The following TNRC6A variants were observed in gnomAD, a reference collection of about 807,000 sequenced individuals.
TNRC6A encodes trinucleotide repeat-containing gene 6A protein.
A neutral mutation model predicts 221.2 loss-of-function variants in TNRC6A; 44 were observed. The ratio of observed to expected loss-of-function variants is 0.20; its 90% CI spans 0.16 to 0.26. The LOEUF is 0.26. Ranked by LOEUF, TNRC6A falls within the 10% of genes least tolerant of loss-of-function variation. The probability of loss-of-function intolerance (pLI) is 1.00; values close to 1 mark genes in which losing one functional copy is unlikely to be tolerated. For missense variants in TNRC6A, 2,199 were observed against 2,404.4 expected (o/e 0.91, Z 1.79); for synonymous variants, 847 against 838.5 (o/e 1.01, Z -0.18).
In TNRC6A at chr16:24,743,532, C is replaced by T. The variant is rs140175560; in HGVS notation, c.54-7194C>T. On this transcript the variant is annotated intron_variant, in intron 2 of 24. Coordinates refer to ENST00000395799, the MANE Select transcript of TNRC6A (RefSeq NM_014494.4). ...TAGAGACAGGGTTTTGCCATGTTGC[C>T]CAGGCTGGTCTCGAACTCCTGGGCC... is the stretch of plus-strand genomic sequence containing the variant. Among the ~76,000 whole-genome samples the T allele has an allele frequency of 9.0e-3, 1,320 of 146,696 alleles. 22 individuals carry two copies. Among genetic ancestry groups the T allele is most frequent in the African/African-American group, 0.031 (1,254 of 40,040 alleles).
intron 2 of TNRC6A, among the ~76,000 whole-genome samples, chr16:24,709,824 C>CA (rs60844823): frequency 0.23 from 23,824 of 103,626 alleles, 2,625 homozygotes; most frequent in South Asian, 0.3. Context: ...GACCCTGTCT[C>CA]AAAAAAAAAA....
rs545815338 is a variant in TNRC6A, at chr16:24,751,067, T to C, written c.141+254T>C. ...TGGATCTTTATCTTTCAAATAGCTG[T>C]TCCTAGGTGTTTCATAATATATCAT... is the stretch of plus-strand genomic sequence containing the variant. On this transcript the variant is annotated intron_variant, in intron 3 of 24. Coordinates refer to ENST00000395799, the MANE Select transcript of TNRC6A (RefSeq NM_014494.4). 5.9e-5 allele frequency among the ~76,000 whole-genome samples: 9 copies of C among 152,340 alleles called. No homozygotes were observed. The East Asian group carries it at 1.7e-3, about 29-fold the overall frequency.
chr16:24,664,553 AT>A (rs950570173), intron 2 of TNRC6A, among the ~76,000 whole-genome samples: 14 of 143,578 alleles, frequency 9.8e-5, no homozygotes, highest in Non-Finnish European at 1.7e-4. Context: ...AATATAATAT[AT>A]TTTTAATAAT....
intron 2 of TNRC6A, among the ~76,000 whole-genome samples, chr16:24,650,158 C>T (rs962242719): frequency 1.2e-4 from 18 of 151,992 alleles, no homozygotes; most frequent in African/African-American, 4.1e-4. Flanking sequence ...TGTCATAGCA[C>T]TAACATTTGC....
Position 24,610,421 on chromosome 16 carries a change from C to T in TNRC6A, n.213C>T, listed in dbSNP as rs1377924572. 3.9e-5 allele frequency: 6 copies of T among 152,458 alleles called. No homozygotes were observed. The East Asian group carries it at 9.6e-4, about 24-fold the overall frequency. 9.4% of individuals were successfully genotyped at this position (152,458 alleles called of 1,614,324 possible). On this transcript the variant is annotated non_coding_transcript_exon_variant, in exon 1 of 3. Transcript: ENST00000566108. ...AGCGCCGGGTACCTGGAGACCAGGC[C>T]CCTCTGCTGGGGGCCCCCAGGAGCG... is the stretch of plus-strand genomic sequence containing the variant.
chr16:24,693,919 G>A (rs1382423585), intron 2 of TNRC6A, among the ~76,000 whole-genome samples: 1 of 152,094 alleles, frequency 6.6e-6, no homozygotes, highest in Admixed American at 6.6e-5. Context: ...TTTAAAAAGA[G>A]GGTTGATTAA....
At chr16:24,636,263 T>TTTTC (rs1901632080) in intron 1 of TNRC6A, among the ~76,000 whole-genome samples, 1 of 152,216 alleles carries the variant, frequency 6.6e-6, no homozygotes, top group African/African-American at 2.4e-5. Flanking sequence ...TATTAATATA[T>TTTTC]TTTCATTCAT....
At chr16:24,822,821 C>T in intron 23 of TNRC6A, 53 bp from the exon 24 acceptor site, 1 of 1,609,060 alleles carries the variant, frequency 6.2e-7, no homozygotes. Context: ...AAACAGCCTC[C>T]TGGAGGGCCC....
chr16:24,798,080 A>G (rs1276953225), intron 11 of TNRC6A, 114 bp downstream of exon 11: 1 of 801,530 alleles, frequency 1.2e-6, no homozygotes, highest in Non-Finnish European at 2.0e-6. Flanking sequence ...TGTGCTCTCC[A>G]ATAGACGTAC....
intron 1 of TNRC6A, chr16:24,640,760 G>A (rs1012621106): frequency 1.3e-5 from 2 of 151,864 alleles, no homozygotes; most frequent in Non-Finnish European, 2.9e-5. Flanking sequence ...ATTAAAGTTT[G>A]TGCCCAGGAG....
intron 5 of TNRC6A, among the ~76,000 whole-genome samples, chr16:24,777,703 C>T (rs2057755646): frequency 6.6e-6 from 1 of 152,168 alleles, no homozygotes; most frequent in African/African-American, 2.4e-5. Flanking sequence ...TAATCTTCAA[C>T]AACGTTGTGA....
intron 2 of TNRC6A, among the ~76,000 whole-genome samples, chr16:24,702,174 TC>T (rs1325861697): frequency 3.1e-5 from 3 of 97,768 alleles, no homozygotes; most frequent in Non-Finnish European, 5.6e-5. Flanking sequence ...TTTTCTTTTT[TC>T]TTTTTTCTTT....
Position 24,815,313 on chromosome 16 carries a change from T to C in TNRC6A, c.4831+8T>C. 1 of 1,613,986 alleles carries C rather than the reference T, an allele frequency of 6.2e-7. No individual in the cohort carries two copies. The highest frequency in any genetic ancestry group is 1.1e-5 in the South Asian group (1 of 91,064). On this transcript the variant is annotated splice_region_variant and intron_variant, in intron 19 of 24. Transcript: ENST00000395799. ...GTGTTAATTGGCCACCAGGTAAAAT[T>C]TTTTCTAACACTTTCTTTCATGAGA... is the stretch of plus-strand genomic sequence containing the variant.
chr16:24,694,862 G>A (rs1250291638), intron 2 of TNRC6A, among the ~76,000 whole-genome samples: 4 of 151,618 alleles, frequency 2.6e-5, no homozygotes, highest in South Asian at 2.1e-4. Context: ...GAGCCCAGGC[G>A]GTCAAGGCTG....
chr16:24,750,563 A>C (rs2057112871), intron 2 of TNRC6A, among the ~76,000 whole-genome samples, 163 bp from the exon 3 acceptor site: 1 of 152,250 alleles, frequency 6.6e-6, no homozygotes. Flanking sequence ...GTGGCTATAT[A>C]GTTAGGGTTA....
chr16:24,793,071 C>T (rs2058143961), intron 6 of TNRC6A, among the ~76,000 whole-genome samples: 1 of 152,122 alleles, frequency 6.6e-6, no homozygotes, highest in South Asian at 2.1e-4. Flanking sequence ...TTACAGGCAT[C>T]AGCCACTGTA....
intron 18 of TNRC6A, among the ~76,000 whole-genome samples, chr16:24,810,318 A>T (rs2058517355): frequency 6.6e-6 from 1 of 152,184 alleles, no homozygotes; most frequent in South Asian, 2.1e-4. Context: ...CTATGTTAGC[A>T]CCTGGAATAC....
At chr16:24,612,988 T>TCTGGA (rs1900133748) in intron 1 of TNRC6A, among the ~76,000 whole-genome samples, 2 of 151,844 alleles carry the variant, frequency 1.3e-5, no homozygotes, top group African/African-American at 4.8e-5. Flanking sequence ...AGTTTACACC[T>TCTGGA]GTAGTCCCAG....
At chr16:24,794,369 A>G (rs1287077163) in intron 7 of TNRC6A, among the ~76,000 whole-genome samples, 175 bp from the exon 8 acceptor site, 1 of 152,208 alleles carries the variant, frequency 6.6e-6, no homozygotes, top group African/African-American at 2.4e-5. Context: ...TTTTTCATGG[A>G]AGGTTTAGCT....
Sources: allele counts gnomAD v4.1 joint callset (sites outside exome capture counted in the v4.1 genomes callset), GRCh38; gene constraint gnomAD v4.1.1; transcripts MANE v1.5; gene names NCBI Gene and HGNC (gene_info 2026-07-23, HGNC 2026-07-21).